The following CASTOR2 variants were observed in gnomAD, a reference collection of about 807,000 sequenced individuals.
CASTOR2 encodes GATS protein like 2.
In CASTOR2, 8 loss-of-function variants were observed where a neutral mutation model predicts 31.2. The observed-to-expected ratio is 0.26, with a 90% CI of 0.15 to 0.46. CASTOR2 has a LOEUF of 0.46. Among genes scored for constraint, CASTOR2 ranks in the 20% least tolerant of loss-of-function variants. The probability of loss-of-function intolerance (pLI) is 0.99; values close to 1 mark genes in which losing one functional copy is unlikely to be tolerated. For missense variants in CASTOR2, 216 were observed against 382.1 expected, an observed-to-expected ratio of 0.57 and a Z score of 3.62; for synonymous variants, 162 against 158.7, an observed-to-expected ratio of 1.02 and a Z score of -0.16.
intron 2 of CASTOR2, among the ~76,000 whole-genome samples, chr7:75,015,104 C>T (rs1291989815): frequency 1.3e-5 from 2 of 152,220 alleles, no homozygotes; most frequent in Non-Finnish European, 2.9e-5. Context: ...GGGCTGTGGT[C>T]ACCATGGTGA....
Position 75,026,189 on chromosome 7 carries a change from GT to G in CASTOR2, c.*1507del, listed in dbSNP as rs879121750. 7.2e-4 allele frequency among the ~76,000 whole-genome samples: 85 copies of G among 117,704 alleles called. No individual in the cohort carries two copies. The highest frequency in any genetic ancestry group is 1.1e-3 in the East Asian group (5 of 4,650). The allele number at this position is 117,704 out of a possible 152,430, so 77.2% of individuals were successfully genotyped here. ...CCCTGTGGTTTTGGCTCTGGCGGGG[GT>G]TTTTTTTTTTTTTTTTGAGATGGGA... On this transcript the variant is annotated 3_prime_UTR_variant, in exon 9 of 9. Coordinates refer to ENST00000616305, the MANE Select transcript of CASTOR2 (RefSeq NM_001145064.3).
chr7:75,000,128 A>G (rs1804459026), intron 1 of CASTOR2, among the ~76,000 whole-genome samples: 1 of 152,134 alleles, frequency 6.6e-6, no homozygotes, highest in African/African-American at 2.4e-5. Flanking sequence ...CAGGAGGCTG[A>G]GGTGGGAGGA....
chr7:75,013,537 G>A (rs1489175356), intron 2 of CASTOR2, among the ~76,000 whole-genome samples: 2 of 152,120 alleles, frequency 1.3e-5, no homozygotes, highest in African/African-American at 4.8e-5. Context: ...CAGCTACTCG[G>A]TGGGCTGCGG....
intron 7 of CASTOR2, among the ~76,000 whole-genome samples, chr7:75,024,021 C>A (rs1805067694): frequency 6.6e-6 from 1 of 152,102 alleles, no homozygotes; most frequent in African/African-American, 2.4e-5. Context: ...GGCACGGTGG[C>A]TCACGCCTGT....
chr7:75,012,964 G>GT (rs1209809950), intron 2 of CASTOR2, among the ~76,000 whole-genome samples: 13 of 152,090 alleles, frequency 8.5e-5, no homozygotes, highest in Non-Finnish European at 1.5e-4. Context: ...TAGTTTTTGT[G>GT]TTTTTTTGTA....
At chr7:75,014,018 C>T (rs1467184773) in intron 2 of CASTOR2, among the ~76,000 whole-genome samples, 12 of 152,082 alleles carry the variant, frequency 7.9e-5, no homozygotes, top group African/African-American at 2.7e-4. Context: ...CATGAGCCAC[C>T]GTACCCGGCC....
At position 75,019,551 on chromosome 7, in the gene CASTOR2, A is replaced by G. The variant is rs967676532; in HGVS notation, c.635+456A>G. Among the ~76,000 whole-genome samples the G allele has an allele frequency of 1.1e-3, 170 of 152,328 alleles. 1 individual carries two copies. Among genetic ancestry groups the G allele is most frequent in the Non-Finnish European group, 2.1e-3 (145 of 68,018 alleles). On this transcript the variant is annotated intron_variant, in intron 5 of 8. Coordinates refer to ENST00000616305, the MANE Select transcript of CASTOR2 (RefSeq NM_001145064.3). ...CAGGGGTGAGACATCCTACCCTGGG[A>G]ACCCCAAAATTTGGTGACGCCCCAA...
chr7:74,994,095 C>T (rs1456996704), intron 1 of CASTOR2, among the ~76,000 whole-genome samples: 20 of 152,194 alleles, frequency 1.3e-4, no homozygotes, highest in Non-Finnish European at 1.0e-4. Context: ...TCAGCCGGGC[C>T]GTCCACAACA....
chr7:75,010,370 G>T (rs1804710749), intron 2 of CASTOR2, among the ~76,000 whole-genome samples: 2 of 152,144 alleles, frequency 1.3e-5, no homozygotes, highest in South Asian at 4.1e-4. Context: ...TTCAGGCACT[G>T]GGGAGCCACT....
chr7:74,996,003 A>G (rs1804338278), intron 1 of CASTOR2, among the ~76,000 whole-genome samples: 1 of 151,918 alleles, frequency 6.6e-6, no homozygotes, highest in Non-Finnish European at 1.5e-5. Flanking sequence ...GCGAATGATC[A>G]GAGACTTTCT....
At chr7:75,020,490 A>ATTT (rs587738996) in intron 6 of CASTOR2, among the ~76,000 whole-genome samples, 3 of 84,400 alleles carry the variant, frequency 3.6e-5, no homozygotes, top group South Asian at 3.6e-4. Flanking sequence ...CTCAGGCGTG[A>ATTT]TTTTTTTTTT....
rs2131960429 is a variant in CASTOR2 at position 75,025,544 on chromosome 7, C to T, written c.*845C>T. Among the ~76,000 whole-genome samples the T allele has an allele frequency of 6.6e-6, 1 of 152,298 alleles. No homozygotes were observed. Among genetic ancestry groups the T allele is most frequent in the South Asian group, 2.1e-4 (1 of 4,826 alleles). ...CCCTGGCTTTCCAGGCCTGAGGTTT[C>T]TTAGGTGGTGTCCCACCTCCCCAAC... On this transcript the variant is annotated 3_prime_UTR_variant, in exon 9 of 9. Transcript: ENST00000616305.
rs972151250 is a variant in CASTOR2 at position 75,020,166 on chromosome 7, G to T, written c.746+17G>T. ...GCAGCAGAGGTGAGCCAGGCCCTGG[G>T]GTGGACGTTCAACCCAGGGTGGGCC... On this transcript the variant is annotated intron_variant, in intron 6 of 8. Transcript: ENST00000616305. 1.9e-5 allele frequency: 30 copies of T among 1,550,992 alleles called. No homozygotes were observed. In the African/African-American group the frequency reaches 3.7e-4, roughly 19 times the overall value.
At chr7:74,994,169 C>G (rs1365233875) in intron 1 of CASTOR2, among the ~76,000 whole-genome samples, 1 of 152,264 alleles carries the variant, frequency 6.6e-6, no homozygotes, top group East Asian at 1.9e-4. Context: ...CTCAGCTTCT[C>G]GGCCCAGATC....
chr7:74,996,645 G>A (rs1410548225), intron 1 of CASTOR2, among the ~76,000 whole-genome samples: 2 of 145,368 alleles, frequency 1.4e-5, no homozygotes, highest in African/African-American at 2.5e-5. Flanking sequence ...GGGAAGTGTC[G>A]TGCCATTAAC....
rs994543045 is a variant in CASTOR2, at chr7:75,026,656, A to G, written c.*1957A>G. On this transcript the variant is annotated 3_prime_UTR_variant, in exon 9 of 9. Coordinates refer to ENST00000616305, the MANE Select transcript of CASTOR2 (RefSeq NM_001145064.3). Reference sequence around the variant, plus strand: ...TGAAGGCCCACCACATTAATTAGAAACCAACTTTTTTTTTTTTAAGTTAAT... The same window carrying G: ...TGAAGGCCCACCACATTAATTAGAAGCCAACTTTTTTTTTTTTAAGTTAAT... 2.0e-5 allele frequency among the ~76,000 whole-genome samples: 3 copies of G among 150,858 alleles called. No homozygotes were observed. The highest frequency in any genetic ancestry group is 4.9e-5 in the African/African-American group (2 of 41,066).
rs1001325211 is a variant in CASTOR2, at chr7:75,030,284, G to A, written c.*5585G>A. On this transcript the variant is annotated 3_prime_UTR_variant, in exon 9 of 9. Coordinates refer to ENST00000616305, the MANE Select transcript of CASTOR2 (RefSeq NM_001145064.3). Reference sequence around the variant, plus strand: ...GAGTGTGTGCGTGCACGTGTGCAGAGCCCACACCTGAGATATGGGACTGGC... The same window carrying A: ...GAGTGTGTGCGTGCACGTGTGCAGAACCCACACCTGAGATATGGGACTGGC... Among the ~76,000 whole-genome samples the A allele has an allele frequency of 1.3e-5, 2 of 152,214 alleles. No homozygotes were observed. The highest frequency in any genetic ancestry group is 2.9e-5 in the Non-Finnish European group (2 of 68,044).
rs1379350644 is a variant in CASTOR2, at chr7:75,025,655, T to C, written c.*956T>C. 3.3e-5 allele frequency among the ~76,000 whole-genome samples: 5 copies of C among 152,246 alleles called. No homozygotes were observed. The highest frequency in any genetic ancestry group is 1.2e-4 in the African/African-American group (5 of 41,464). On this transcript the variant is annotated 3_prime_UTR_variant, in exon 9 of 9. Coordinates refer to ENST00000616305, the MANE Select transcript of CASTOR2 (RefSeq NM_001145064.3). ...CCTGCCTGCCCACCCGCCCCTTGGC[T>C]GGGGGCTGTGGCATTCATGAGTACT...
At position 75,031,467 on chromosome 7, in the gene CASTOR2, C is replaced by A. The variant is rs1805302934; in HGVS notation, c.*6768C>A. On this transcript the variant is annotated 3_prime_UTR_variant, in exon 9 of 9. Transcript: ENST00000616305. ...TGGAGAAAAAAAATTACCTAATGTT[C>A]CCCCAAAAAAGACAGTATATTTTGT... is the stretch of plus-strand genomic sequence containing the variant. Among the ~76,000 whole-genome samples, 1 of 151,902 alleles carries A rather than the reference C, an allele frequency of 6.6e-6. No individual in the cohort carries two copies. The highest frequency in any genetic ancestry group is 6.6e-5 in the Admixed American group (1 of 15,246).
Sources: gnomAD v4.1 joint callset for allele counts (sites outside exome capture counted in the v4.1 genomes callset) on GRCh38, gnomAD v4.1.1 for gene constraint, MANE v1.5 for transcripts, NCBI Gene and HGNC (gene_info 2026-07-23, HGNC 2026-07-21) for gene names.